The following MYO5A variants were observed in gnomAD, a reference collection of about 807,000 sequenced individuals.
The protein encoded by MYO5A is myosin VA.
In MYO5A, 98 loss-of-function variants were observed where a neutral mutation model predicts 249.7. The ratio of observed to expected loss-of-function variants is 0.39; its 90% confidence interval spans 0.33 to 0.46. MYO5A has a LOEUF of 0.46. Among genes scored for constraint, MYO5A ranks in the 20% least tolerant of loss-of-function variants. MYO5A has a pLI of 0.98. For missense variants in MYO5A, 1,696 were observed against 2,308.8 expected, an observed-to-expected ratio of 0.73 and a Z score of 5.44; for synonymous variants, 778 against 810.6, an observed-to-expected ratio of 0.96 and a Z score of 0.68.
chr15:52,370,946 T>C (rs1216812625), intron 21 of MYO5A, among the ~76,000 whole-genome samples: 1 of 146,032 alleles, frequency 6.8e-6, no homozygotes, highest in East Asian at 1.9e-4. Context: ...ACCCCGTCTT[T>C]ACAAAAAAAT....
chr15:52,479,001 C>A (rs1385509455), intron 1 of MYO5A, among the ~76,000 whole-genome samples: 2 of 146,764 alleles, frequency 1.4e-5, no homozygotes, highest in African/African-American at 5.0e-5. Context: ...TAAATTTTAA[C>A]TTTTTTTTTT....
rs757939900 is a variant in MYO5A, at chr15:52,397,253, G to A, written c.1267C>T (p.Leu423Phe). The A allele has an allele frequency of 6.2e-7, 1 of 1,613,996 alleles. No homozygotes were observed. The highest frequency in any genetic ancestry group is 1.3e-5 in the African/African-American group (1 of 74,912). Reference sequence around the variant, plus strand: ...GAGTGCTGTTTGACAGCAGAATGGAGAGCCTGATTGACATTATCTACAATC... The same window carrying A: ...GAGTGCTGTTTGACAGCAGAATGGAAAGCCTGATTGACATTATCTACAATC... ...NWIVDNVNQALHSAVKQHSFI... is the reference protein window; with the variant it reads ...NWIVDNVNQAFHSAVKQHSFI... The change falls in exon 10 of 42, where the codon CTC (leucine) becomes TTC (phenylalanine). Residue 423 changes from leucine to phenylalanine, a missense_variant. This residue lies in a region of MYO5A where 185 missense variants were observed against 204.8 expected (regional missense o/e 0.90). Transcript: ENST00000399233.
chr15:52,410,420 A>G lies in MYO5A; in HGVS notation c.669T>C (p.Tyr223=). 1.2e-6 allele frequency: 2 copies of G among 1,613,546 alleles called. No individual in the cohort carries two copies. Among genetic ancestry groups the G allele is most frequent in the South Asian group, 1.1e-5 (1 of 91,060 alleles). The change falls in exon 6 of 42, where the codon TAT becomes TAC. Residue 223 remains tyrosine, a synonymous_variant. Transcript: ENST00000399233. ...ATCTCTTATCAAAACCAATCTCAAT[A>G]TACTTCCCAAAACGGCTGCTATTAT... The part of the protein sequence containing the change: ...RNDNSSRFGK[Y]IEIGFDKRYR...
intron 5 of MYO5A, among the ~76,000 whole-genome samples, chr15:52,414,379 C>T (rs1035362968): frequency 6.6e-6 from 1 of 152,150 alleles, no homozygotes; most frequent in Non-Finnish European, 1.5e-5. Context: ...GTTATAGCAA[C>T]ACTAAATGGA....
At chr15:52,371,008 G>A (rs1357109463) in intron 21 of MYO5A, among the ~76,000 whole-genome samples, 1 of 152,030 alleles carries the variant, frequency 6.6e-6, no homozygotes, top group Non-Finnish European at 1.5e-5. Flanking sequence ...AGCTACTTGG[G>A]AGGCTGAGGC....
chr15:52,469,762 T>C (rs1762348693), intron 1 of MYO5A, among the ~76,000 whole-genome samples: 1 of 152,242 alleles, frequency 6.6e-6, no homozygotes, highest in Non-Finnish European at 1.5e-5. Context: ...AGAACTCTTC[T>C]GCTAGATTGT....
chr15:52,519,042 G>A (rs1443076651), intron 1 of MYO5A, among the ~76,000 whole-genome samples: 4 of 152,126 alleles, frequency 2.6e-5, no homozygotes, highest in Non-Finnish European at 5.9e-5. Context: ...TTAAATAGTA[G>A]GGGGATAAAG....
rs181691832 is a variant in MYO5A at position 52,438,204 on chromosome 15, C to A, written c.28-4919G>T. The A allele has an allele frequency of 5.6e-5, 13 of 232,826 alleles. No homozygotes were observed. In the East Asian group the frequency reaches 2.3e-3, roughly 42 times the overall value. The allele number at this position is 232,826 out of a possible 1,614,324, so 14.4% of individuals were successfully genotyped here. Reference sequence around the variant, plus strand: ...TCATCACTTCCAACCCTGCCTCCCCCAGGCCGCAAAGCAAATACACATGGC... The same window carrying A: ...TCATCACTTCCAACCCTGCCTCCCCAAGGCCGCAAAGCAAATACACATGGC... On this transcript the variant is annotated intron_variant, in intron 1 of 41. Transcript: ENST00000399233.
intron 16 of MYO5A, among the ~76,000 whole-genome samples, chr15:52,382,585 A>G (rs899289498): frequency 3.3e-5 from 5 of 152,202 alleles, no homozygotes. Flanking sequence ...ATAAATAAAT[A>G]CATACATAAA....
chr15:52,495,267 G>C (rs1044454440), intron 1 of MYO5A, among the ~76,000 whole-genome samples: 1 of 152,084 alleles, frequency 6.6e-6, no homozygotes, highest in African/African-American at 2.4e-5. Flanking sequence ...GAACCTGGAG[G>C]ACATTATGTT....
chr15:52,480,626 C>T (rs139738517), intron 1 of MYO5A, among the ~76,000 whole-genome samples: 4 of 152,290 alleles, frequency 2.6e-5, no homozygotes, highest in African/African-American at 9.6e-5. Flanking sequence ...AAGAGGAAAG[C>T]AAAATCAGGA....
intron 9 of MYO5A, among the ~76,000 whole-genome samples, chr15:52,398,482 A>G (rs1295140021): frequency 6.6e-6 from 1 of 152,164 alleles, no homozygotes; most frequent in African/African-American, 2.4e-5. Flanking sequence ...AGCTTGTCAA[A>G]AATCAGCTGG....
chr15:52,326,001 G>C (rs553557742), intron 36 of MYO5A, among the ~76,000 whole-genome samples: 1 of 152,266 alleles, frequency 6.6e-6, no homozygotes, highest in African/African-American at 2.4e-5. Context: ...TGCAGTTTTT[G>C]ATTTATTAGA....
At chr15:52,471,377 G>C (rs1348782585) in intron 1 of MYO5A, among the ~76,000 whole-genome samples, 13 of 152,160 alleles carry the variant, frequency 8.5e-5, no homozygotes, top group Non-Finnish European at 1.5e-5. Context: ...ACCAAGGTGG[G>C]AGGATCGCTT....
chr15:52,502,450 T>A (rs2077179361), intron 1 of MYO5A, among the ~76,000 whole-genome samples: 1 of 152,226 alleles, frequency 6.6e-6, no homozygotes, highest in Non-Finnish European at 1.5e-5. Flanking sequence ...CATTTGTACA[T>A]AAGATCTAAA....
rs1038929687 is a variant in MYO5A, at chr15:52,308,493, A to G, written c.*5203T>C. 2 of 152,230 alleles carry G rather than the reference A, an allele frequency of 1.3e-5. No individual in the cohort carries two copies. The highest frequency in any genetic ancestry group is 4.8e-5 in the African/African-American group (2 of 41,462). The allele number at this position is 152,230 out of a possible 1,614,324, so 9.4% of individuals were successfully genotyped here. ...ACAAAAGGTTAGTAGAAAGCAAGAC[A>G]TTTAAGTATTACCAAGAATCTAACT... is the stretch of plus-strand genomic sequence containing the variant. On this transcript the variant is annotated 3_prime_UTR_variant, in exon 42 of 42. Transcript: ENST00000399233.
At chr15:52,352,534 C>A (rs1234748829) in intron 27 of MYO5A, among the ~76,000 whole-genome samples, 1 of 152,176 alleles carries the variant, frequency 6.6e-6, no homozygotes, top group African/African-American at 2.4e-5. Flanking sequence ...GTAATCCCAG[C>A]ACTTTGGGAG....
At chr15:52,500,665 A>T (rs189902505) in intron 1 of MYO5A, among the ~76,000 whole-genome samples, 1 of 152,096 alleles carries the variant, frequency 6.6e-6, no homozygotes, top group East Asian at 1.9e-4. Context: ...CCATTTTTCA[A>T]CAGGGAGTTT....
chr15:52,315,737 C>G (rs190662560), intron 40 of MYO5A, among the ~76,000 whole-genome samples: 4 of 148,318 alleles, frequency 2.7e-5, no homozygotes, highest in Non-Finnish European at 6.0e-5. Flanking sequence ...CTGCAACCTC[C>G]GTCTCCCAGG....
Sources: allele counts gnomAD v4.1 joint callset (sites outside exome capture counted in the v4.1 genomes callset), GRCh38; gene constraint gnomAD v4.1.1; regional missense constraint gnomAD v4.1.1; transcripts MANE v1.5; gene names NCBI Gene and HGNC (gene_info 2026-07-23, HGNC 2026-07-21).